LRP1B: variants seen among roughly 807,000 people sequenced by gnomAD.
LRP1B encodes the protein low-density lipoprotein receptor-related protein 1B.
Under a neutral mutation model 556.6 loss-of-function variants are expected in LRP1B, and 217 were observed. The observed-to-expected ratio is 0.39, with a 90% CI of 0.35 to 0.44. The LOEUF (loss-of-function observed/expected upper bound fraction) is 0.44, where lower values mean the gene tolerates loss of function less well. Ranked by LOEUF, LRP1B falls within the 20% of genes least tolerant of loss-of-function variation. The probability of loss-of-function intolerance (pLI) is 1.00; values close to 1 mark genes in which losing one functional copy is unlikely to be tolerated. For missense variants in LRP1B, 5,053 were observed against 5,620.8 expected (o/e 0.90, Z 3.23); for synonymous variants, 2,047 against 1,865.8 (o/e 1.10, Z -2.50).
Position 141,541,222 on chromosome 2 carries a change from GTAT to G in LRP1B, c.206-60692_206-60690del, listed in dbSNP as rs150378744. On this transcript the variant is annotated intron_variant, in intron 2 of 90. Transcript: ENST00000389484. Reference sequence around the variant, plus strand: ...CAATAGAGGTTCCAGGTGTTTTACTGTATTTGAATACAGGCATAATCAAGAAAG... The same window carrying G: ...CAATAGAGGTTCCAGGTGTTTTACTGTTGAATACAGGCATAATCAAGAAAG... Among the ~76,000 whole-genome samples, 1,088 of 152,046 alleles carry G rather than the reference GTAT, an allele frequency of 7.2e-3. 9 individuals carry two copies. Among genetic ancestry groups the G allele is most frequent in the South Asian group, 0.03 (143 of 4,820 alleles).
intron 7 of LRP1B, among the ~76,000 whole-genome samples, chr2:141,113,359 A>G (rs1700801820): frequency 6.6e-6 from 1 of 152,226 alleles, no homozygotes; most frequent in Non-Finnish European, 1.5e-5. Context: ...TTAAATAAGC[A>G]ATAAAAAAAA....
intron 1 of LRP1B, among the ~76,000 whole-genome samples, chr2:141,834,738 A>C (rs1697214791): frequency 6.6e-6 from 1 of 151,936 alleles, no homozygotes; most frequent in Non-Finnish European, 1.5e-5. Context: ...CAGAAGTTGC[A>C]CAGTTGGAAA....
intron 15 of LRP1B, among the ~76,000 whole-genome samples, chr2:140,994,962 T>A (rs1475286524): frequency 6.6e-6 from 1 of 151,990 alleles, no homozygotes; most frequent in African/African-American, 2.4e-5. Flanking sequence ...AAAGTTGACA[T>A]GTAAATTGGG....
At chr2:140,262,236 T>C (rs1254562369) in intron 86 of LRP1B, among the ~76,000 whole-genome samples, 1 of 152,102 alleles carries the variant, frequency 6.6e-6, no homozygotes, top group Admixed American at 6.6e-5. Flanking sequence ...TAACACCATA[T>C]ATCACAGTGG....
At chr2:141,997,951 C>G (rs1444513100) in intron 1 of LRP1B, among the ~76,000 whole-genome samples, 1 of 152,040 alleles carries the variant, frequency 6.6e-6, no homozygotes, top group East Asian at 1.9e-4. Flanking sequence ...CAACTGCTTG[C>G]TTTTGTATCG....
chr2:140,364,830 G>T (rs764523206), intron 71 of LRP1B, 47 bp from the exon 72 acceptor site: 9 of 1,578,784 alleles, frequency 5.7e-6, no homozygotes, highest in Non-Finnish European at 7.8e-6. Context: ...AGTAATCAGT[G>T]CCAGTCAGCA....
rs759054021 is a variant in LRP1B at position 140,501,887 on chromosome 2, T to A, written c.8663-13A>T. ...TTGCATGACTGTTCTGGAAAAAAAA[T>A]AAAACAAATGGAACATAAAGGGCAT... On this transcript the variant is annotated splice_polypyrimidine_tract_variant and intron_variant, in intron 54 of 90. Transcript: ENST00000389484. 8.2e-6 allele frequency: 13 copies of A among 1,576,072 alleles called. No individual in the cohort carries two copies. In the African/African-American group the frequency reaches 1.2e-4, roughly 15 times the overall value.
chr2:141,798,949 C>A (rs939767082), intron 2 of LRP1B, among the ~76,000 whole-genome samples: 1 of 151,804 alleles, frequency 6.6e-6, no homozygotes, highest in Non-Finnish European at 1.5e-5. Flanking sequence ...GACACAGATA[C>A]ACTCAGAGGG....
Position 140,411,613 on chromosome 2 carries a change from G to A in LRP1B, c.10415-25604C>T, listed in dbSNP as rs118154127. On this transcript the variant is annotated intron_variant, in intron 66 of 90. Coordinates refer to ENST00000389484, the MANE Select transcript of LRP1B (RefSeq NM_018557.3). ...CTGCTAGTTAGTTGGTGACAAAACC[G>A]CAATTAGGCAAAGGATTTCTGTTAC... Among the ~76,000 whole-genome samples, 116 of 152,018 alleles carry A rather than the reference G, an allele frequency of 7.6e-4. 1 individual carries two copies. The East Asian group carries it at 0.02, about 26-fold the overall frequency.
intron 83 of LRP1B, among the ~76,000 whole-genome samples, chr2:140,301,877 ATGTATG>A (rs1048088465): frequency 2.6e-5 from 4 of 151,886 alleles, no homozygotes; most frequent in Non-Finnish European, 5.9e-5. Context: ...AATAGTGTGC[ATGTATG>A]TGTATGTGTG....
At chr2:140,960,763 C>G (rs1328015100) in intron 18 of LRP1B, among the ~76,000 whole-genome samples, 1 of 151,816 alleles carries the variant, frequency 6.6e-6, no homozygotes, top group Non-Finnish European at 1.5e-5. Flanking sequence ...TTATTGAACT[C>G]CAATATATGA....
intron 1 of LRP1B, among the ~76,000 whole-genome samples, chr2:141,948,605 AT>A (rs1307056376): frequency 2.6e-5 from 4 of 151,980 alleles, no homozygotes; most frequent in African/African-American, 7.2e-5. Flanking sequence ...ATAGAAAAAA[AT>A]GTGATAAACT....
intron 3 of LRP1B, among the ~76,000 whole-genome samples, chr2:141,362,690 C>A (rs955259396): frequency 1.3e-5 from 2 of 152,094 alleles, no homozygotes; most frequent in Admixed American, 6.5e-5. Context: ...TATTACTCTT[C>A]TTTTTGGTTC....
At chr2:141,018,225 G>A (rs1390321865) in intron 12 of LRP1B, among the ~76,000 whole-genome samples, 4 of 152,026 alleles carry the variant, frequency 2.6e-5, no homozygotes, top group South Asian at 2.1e-4. Flanking sequence ...AGGCCTGTTT[G>A]AATGTAATTA....
At chr2:141,530,774 A>T (rs958820270) in intron 2 of LRP1B, among the ~76,000 whole-genome samples, 3 of 152,026 alleles carry the variant, frequency 2.0e-5, no homozygotes, top group Admixed American at 6.6e-5. Flanking sequence ...GTGAAGAGGA[A>T]CATTCCAGGC....
At chr2:141,271,683 T>C (rs1685096238) in intron 3 of LRP1B, among the ~76,000 whole-genome samples, 1 of 151,710 alleles carries the variant, frequency 6.6e-6, no homozygotes, top group Non-Finnish European at 1.5e-5. Context: ...AAAGAACATA[T>C]TGTTAGTAAA....
At chr2:141,307,474 C>T (rs929916863) in intron 3 of LRP1B, among the ~76,000 whole-genome samples, 22 of 151,838 alleles carry the variant, frequency 1.4e-4, no homozygotes, top group East Asian at 5.8e-4. Context: ...TTTTTTTATC[C>T]GTTTACTTTC....
intron 87 of LRP1B, 86 bp from the exon 88 acceptor site, chr2:140,239,618 A>C: frequency 1.3e-6 from 1 of 770,350 alleles, no homozygotes; most frequent in Non-Finnish European, 2.1e-6. Context: ...ATACCAAATC[A>C]CTTGACCATT....
intron 84 of LRP1B, among the ~76,000 whole-genome samples, chr2:140,279,423 T>C (rs1185228314): frequency 6.6e-6 from 1 of 151,980 alleles, no homozygotes; most frequent in African/African-American, 2.4e-5. Flanking sequence ...ATCTGCAATG[T>C]TAATAAATCA....
Sources: gnomAD v4.1 joint callset for allele counts (sites outside exome capture counted in the v4.1 genomes callset) on GRCh38, gnomAD v4.1.1 for gene constraint, MANE v1.5 for transcripts, NCBI Gene and HGNC (gene_info 2026-07-23, HGNC 2026-07-21) for gene names.